The following ANO2 variants were observed in gnomAD, a reference collection of about 807,000 sequenced individuals.
ANO2 encodes anoctamin-2.
ANO2 carries 101 observed loss-of-function variants against 124.2 expected under a neutral mutation model. That is an observed-to-expected ratio of 0.81 (90% CI 0.69 to 0.96). ANO2 has a LOEUF of 0.96. ANO2 is among the 40% of genes least tolerant of loss of function. ANO2 has a pLI of 0.00. For missense variants in ANO2, 1,293 were observed against 1,274.5 expected, an observed-to-expected ratio of 1.01 and a Z score of -0.22; for synonymous variants, 486 against 482.5, an observed-to-expected ratio of 1.01 and a Z score of -0.09.
chr12:5,696,462 C>G (rs892276852), intron 14 of ANO2, among the ~76,000 whole-genome samples: 4 of 151,984 alleles, frequency 2.6e-5, no homozygotes, highest in African/African-American at 9.7e-5. Context: ...AACAAAACCA[C>G]TAAAAAAAAG....
chr12:5,936,232 C>G (rs938672637), intron 1 of ANO2, among the ~76,000 whole-genome samples: 2 of 152,096 alleles, frequency 1.3e-5, no homozygotes, highest in African/African-American at 4.8e-5. Flanking sequence ...CACCTGCAAC[C>G]AAAAATGCTC....
At chr12:5,832,363 T>G in intron 5 of ANO2, 89 bp downstream of exon 5, 1 of 1,493,472 alleles carries the variant, frequency 6.7e-7, no homozygotes, top group Non-Finnish European at 9.1e-7. Context: ...GCACCCACTT[T>G]GGGAGCCCCA....
intron 20 of ANO2, among the ~76,000 whole-genome samples, chr12:5,579,046 G>C (rs1942588485): frequency 6.6e-6 from 1 of 152,232 alleles, no homozygotes; most frequent in Admixed American, 6.5e-5. Context: ...GCCACAGTTT[G>C]CCTTCCCTTG....
intron 3 of ANO2, among the ~76,000 whole-genome samples, chr12:5,893,803 G>C (rs990362902): frequency 1.3e-5 from 2 of 152,058 alleles, no homozygotes; most frequent in African/African-American, 4.8e-5. Context: ...ATCTGTGTCT[G>C]TGCAAAGGAC....
At chr12:5,724,789 C>T (rs1950370796) in intron 14 of ANO2, among the ~76,000 whole-genome samples, 1 of 152,064 alleles carries the variant, frequency 6.6e-6, no homozygotes, top group Non-Finnish European at 1.5e-5. Flanking sequence ...CTGCAGGTGG[C>T]TTAGGTAGGG....
chr12:5,684,382 A>C (rs943085807), intron 14 of ANO2, among the ~76,000 whole-genome samples: 2 of 152,240 alleles, frequency 1.3e-5, no homozygotes. Flanking sequence ...GGTCTCTGCC[A>C]TGGAGAAGTC....
rs1565502868 is a variant in ANO2, at chr12:5,636,334, G to A, written c.1621-987C>T. On this transcript the variant is annotated intron_variant, in intron 15 of 24. Transcript: ENST00000682330. The surrounding 1 kb of genome is among the most constrained non-coding windows in gnomAD (Gnocchi z 4.6). ...GGATGCTATGAGAAGCAAGTGCCCT[G>A]AGTAAAGCCTCTTAGAGGGGATAGA... Among the ~76,000 whole-genome samples, 1 of 152,116 alleles carries A rather than the reference G, an allele frequency of 6.6e-6. No homozygotes were observed. The highest frequency in any genetic ancestry group is 1.5e-5 in the Non-Finnish European group (1 of 68,020).
chr12:5,912,720 G>A (rs945987791), intron 3 of ANO2, among the ~76,000 whole-genome samples: 2 of 152,320 alleles, frequency 1.3e-5, no homozygotes, highest in East Asian at 1.9e-4. Context: ...ATCCCTCGGG[G>A]TAGGAAAGAG....
chr12:5,725,472 T>C (rs1950400868), intron 14 of ANO2, among the ~76,000 whole-genome samples: 1 of 152,242 alleles, frequency 6.6e-6, no homozygotes, highest in African/African-American at 2.4e-5. Context: ...TTCAGATAGA[T>C]TCTGCTGTTC....
intron 3 of ANO2, among the ~76,000 whole-genome samples, chr12:5,886,816 T>A (rs981003025): frequency 6.6e-6 from 1 of 152,216 alleles, no homozygotes; most frequent in South Asian, 2.1e-4. Flanking sequence ...GAAGACATTA[T>A]GTTAAGTGAA....
chr12:5,886,168 G>A (rs1004464782), intron 3 of ANO2, among the ~76,000 whole-genome samples: 3 of 152,200 alleles, frequency 2.0e-5, no homozygotes, highest in African/African-American at 4.8e-5. Flanking sequence ...GATTTGAACA[G>A]ATATGTGTAC....
intron 14 of ANO2, among the ~76,000 whole-genome samples, chr12:5,653,337 T>C (rs986390444): frequency 2.0e-5 from 3 of 152,146 alleles, no homozygotes; most frequent in African/African-American, 7.2e-5. Flanking sequence ...TTCTGGCAAA[T>C]ATTTTGGGGG....
In ANO2 at chr12:5,923,240, A is replaced by ACACACG. The variant is rs2136307220; in HGVS notation, c.23-437_23-436insCGTGTG. ...TACACACACACATGCACACATACAC[A>ACACACG]CACGCATACACACACATACACACAC... is the stretch of plus-strand genomic sequence containing the variant. On this transcript the variant is annotated intron_variant, in intron 1 of 24. Transcript: ENST00000682330. Among the ~76,000 whole-genome samples the ACACACG allele has an allele frequency of 2.1e-5, 3 of 141,380 alleles. 1 individual carries two copies. Among genetic ancestry groups the ACACACG allele is most frequent in the African/African-American group, 8.5e-5 (3 of 35,450 alleles). The allele number at this position is 141,380 out of a possible 152,430, so 92.8% of individuals were successfully genotyped here. A position where few individuals can be genotyped will look rare whatever the true frequency, so the allele number is the denominator to read the frequency against.
At chr12:5,883,306 T>G (rs1407248942) in intron 3 of ANO2, among the ~76,000 whole-genome samples, 1 of 152,174 alleles carries the variant, frequency 6.6e-6, no homozygotes, top group African/African-American at 2.4e-5. Context: ...GACCACCTAC[T>G]CTACTGCTGA....
chr12:5,697,277 G>A (rs1424183587), intron 14 of ANO2, among the ~76,000 whole-genome samples: 3 of 151,686 alleles, frequency 2.0e-5, no homozygotes, highest in Non-Finnish European at 2.9e-5. Context: ...CTGAAAATAC[G>A]AAAAATTAGC....
In ANO2 at chr12:5,732,512, C is replaced by G; in HGVS notation, c.1545+8G>C. 6.2e-7 allele frequency: 1 copy of G among 1,608,770 alleles called. No homozygotes were observed. On this transcript the variant is annotated splice_region_variant and intron_variant, in intron 14 of 24. Transcript: ENST00000682330. The stretch of plus-strand genomic sequence containing the variant: ...AGAGGACCGTGAGCAGCAAGTCCAG[C>G]TTCATACCTCATCGCCACACTCCGT...
intron 14 of ANO2, among the ~76,000 whole-genome samples, chr12:5,674,963 T>TA (rs58728124): frequency 0.45 from 68,018 of 151,782 alleles, 16,881 homozygotes; most frequent in Middle Eastern, 0.61. Flanking sequence ...GCTTGAAAGC[T>TA]AAGGGATGGG....
At chr12:5,582,902 T>C (rs1258132813) in intron 20 of ANO2, among the ~76,000 whole-genome samples, 3 of 152,142 alleles carry the variant, frequency 2.0e-5, no homozygotes, top group Non-Finnish European at 4.4e-5. Flanking sequence ...TCCACCTCCA[T>C]TTCCCACCAG....
intron 3 of ANO2, among the ~76,000 whole-genome samples, chr12:5,889,446 T>G (rs916264997): frequency 2.1e-4 from 32 of 152,306 alleles, no homozygotes; most frequent in African/African-American, 6.3e-4. Context: ...TGAGGGACAG[T>G]TGGACAAAAA....
Sources: gnomAD v4.1 joint callset for allele counts (sites outside exome capture counted in the v4.1 genomes callset) on GRCh38, gnomAD v4.1.1 for gene constraint, Gnocchi (gnomAD v3.1) non-coding constraint, MANE v1.5 for transcripts, NCBI Gene and HGNC (gene_info 2026-07-23, HGNC 2026-07-21) for gene names.